NKAIN2: variants seen among roughly 807,000 people sequenced by gnomAD.
The protein encoded by NKAIN2 is sodium/potassium-transporting ATPase subunit beta-1-interacting protein 2.
A neutral mutation model predicts 32.6 loss-of-function variants in NKAIN2; 14 were observed. The observed-to-expected ratio is 0.43, with a 90% CI of 0.28 to 0.67. The LOEUF is 0.67. NKAIN2 is among the 30% of genes least tolerant of loss of function. The pLI, the probability that NKAIN2 is intolerant of heterozygous loss-of-function variation, is 0.17. For missense variants in NKAIN2, 198 were observed against 258.3 expected, an observed-to-expected ratio of 0.77 and a Z score of 1.60; for synonymous variants, 80 against 87.2, an observed-to-expected ratio of 0.92 and a Z score of 0.46.
At chr6:123,901,296 T>G (rs2114416087) in intron 1 of NKAIN2, among the ~76,000 whole-genome samples, 1 of 152,282 alleles carries the variant, frequency 6.6e-6, no homozygotes, top group African/African-American at 2.4e-5. Context: ...GTTATTCTTG[T>G]TTTAGTGATA....
At chr6:123,822,817 A>T (rs1773980403) in intron 1 of NKAIN2, among the ~76,000 whole-genome samples, 1 of 152,180 alleles carries the variant, frequency 6.6e-6, no homozygotes, top group African/African-American at 2.4e-5. Context: ...TTAATCTGTA[A>T]TGTATTTACT....
At chr6:124,538,537 C>T (rs1779798596) in intron 3 of NKAIN2, among the ~76,000 whole-genome samples, 1 of 152,026 alleles carries the variant, frequency 6.6e-6, no homozygotes, top group Non-Finnish European at 1.5e-5. Context: ...TGTTTACATG[C>T]AGCATTCACC....
At chr6:124,169,872 C>G (rs1321062453) in intron 1 of NKAIN2, among the ~76,000 whole-genome samples, 5 of 152,130 alleles carry the variant, frequency 3.3e-5, no homozygotes, top group Non-Finnish European at 2.9e-5. Flanking sequence ...GAAAGAGCCT[C>G]TTTGGTCCAT....
intron 3 of NKAIN2, among the ~76,000 whole-genome samples, chr6:124,584,181 G>T (rs1381708921): frequency 6.6e-6 from 1 of 152,048 alleles, no homozygotes; most frequent in Non-Finnish European, 1.5e-5. Flanking sequence ...CACTGCAAAG[G>T]AAACCATCAA....
chr6:124,192,329 T>A (rs1790060158), intron 1 of NKAIN2, among the ~76,000 whole-genome samples: 1 of 152,210 alleles, frequency 6.6e-6, no homozygotes, highest in Admixed American at 6.5e-5. Flanking sequence ...TTCTAATTTC[T>A]CATTGTGATT....
chr6:124,171,157 C>T (rs1356170504), intron 1 of NKAIN2, among the ~76,000 whole-genome samples: 1 of 152,184 alleles, frequency 6.6e-6, no homozygotes, highest in African/African-American at 2.4e-5. Flanking sequence ...TCTATACCCT[C>T]ATCCTTGTCA....
chr6:124,753,925 G>A (rs1055151760), intron 4 of NKAIN2, among the ~76,000 whole-genome samples: 11 of 152,052 alleles, frequency 7.2e-5, no homozygotes, highest in African/African-American at 1.9e-4. Context: ...CAAACTTTAC[G>A]TGGGGAAATA....
intron 1 of NKAIN2, among the ~76,000 whole-genome samples, chr6:124,119,542 G>A (rs1044956227): frequency 6.6e-6 from 1 of 152,174 alleles, no homozygotes; most frequent in Non-Finnish European, 1.5e-5. Context: ...TAAAGAACAT[G>A]CCAGAACTCC....
In NKAIN2 at chr6:124,754,122, A is replaced by T. The variant is rs568438664; in HGVS notation, c.475-37217A>T. Among the ~76,000 whole-genome samples the T allele has an allele frequency of 1.7e-3, 264 of 152,230 alleles. 3 individuals are homozygous for T. Among genetic ancestry groups the T allele is most frequent in the African/African-American group, 5.9e-3 (244 of 41,564 alleles). ...CACCTGCATTAGTAGCAGGTTCCAA[A>T]GAACTGAGTTTGCAATTGTGTACTA... On this transcript the variant is annotated intron_variant, in intron 4 of 6. Transcript: ENST00000368417.
chr6:124,113,494 G>A (rs1472261759), intron 1 of NKAIN2, among the ~76,000 whole-genome samples: 1 of 151,992 alleles, frequency 6.6e-6, no homozygotes, highest in Non-Finnish European at 1.5e-5. Context: ...TGAGCAGTGG[G>A]GAGTATCAAT....
At chr6:124,173,841 T>C (rs1280355164) in intron 1 of NKAIN2, among the ~76,000 whole-genome samples, 7 of 152,240 alleles carry the variant, frequency 4.6e-5, no homozygotes, top group South Asian at 2.1e-4. Flanking sequence ...ATGGTTCTTA[T>C]TCCTTATTTC....
intron 3 of NKAIN2, among the ~76,000 whole-genome samples, chr6:124,490,676 C>G (rs1777828573): frequency 6.6e-6 from 1 of 151,616 alleles, no homozygotes; most frequent in Non-Finnish European, 1.5e-5. Context: ...AGGCAGGAGT[C>G]TACTTAGTTT....
chr6:124,141,166 C>A (rs1050846492), intron 1 of NKAIN2, among the ~76,000 whole-genome samples: 2 of 151,980 alleles, frequency 1.3e-5, no homozygotes, highest in African/African-American at 2.4e-5. Context: ...AGCAATTGTG[C>A]GTATTGAGTC....
rs763508921 is a variant in NKAIN2 at position 123,804,267 on chromosome 6, TG to T, written c.54+16del. ...TGGCATGCAACTGGTAAGTGACACT[TG>T]GGTCCCCTTATTCTGTAATGTGTCT... On this transcript the variant is annotated intron_variant, in intron 1 of 6. Transcript: ENST00000368417. 1.2e-6 allele frequency: 2 copies of T among 1,609,140 alleles called. No individual in the cohort carries two copies. Among genetic ancestry groups the T allele is most frequent in the South Asian group, 2.2e-5 (2 of 91,006 alleles).
chr6:124,112,267 T>A (rs2114972316), intron 1 of NKAIN2, among the ~76,000 whole-genome samples: 1 of 152,272 alleles, frequency 6.6e-6, no homozygotes, highest in East Asian at 1.9e-4. Context: ...TCTCCCTCAA[T>A]TTATTTTGTT....
intron 3 of NKAIN2, among the ~76,000 whole-genome samples, chr6:124,618,320 A>C (rs1486480750): frequency 2.6e-5 from 4 of 152,062 alleles, no homozygotes; most frequent in African/African-American, 9.7e-5. Context: ...TCTACTAAAA[A>C]TACAGAAATT....
intron 3 of NKAIN2, among the ~76,000 whole-genome samples, chr6:124,654,779 A>C (rs1784480580): frequency 2.0e-5 from 3 of 152,126 alleles, no homozygotes; most frequent in Admixed American, 2.0e-4. Flanking sequence ...GATTAGGGTG[A>C]TGGTTCTACA....
In NKAIN2 at chr6:124,696,081, C is replaced by G. The variant is rs149924170; in HGVS notation, c.474+37695C>G. Among the ~76,000 whole-genome samples, 14 of 152,208 alleles carry G rather than the reference C, an allele frequency of 9.2e-5. No homozygotes were observed. The East Asian group carries it at 2.5e-3, about 27-fold the overall frequency. The stretch of plus-strand genomic sequence containing the variant: ...TGTCTGTTCAGATTCTTCTTGGTCT[C>G]TCTGTGTAGCATTTCATCCTCTCAG... On this transcript the variant is annotated intron_variant, in intron 4 of 6. Transcript: ENST00000368417.
intron 4 of NKAIN2, among the ~76,000 whole-genome samples, chr6:124,785,302 G>A (rs1446215477): frequency 1.3e-5 from 2 of 151,926 alleles, no homozygotes; most frequent in Non-Finnish European, 2.9e-5. Context: ...ATTTATTTCA[G>A]GCATGTTTGT....
Sources: allele counts gnomAD v4.1 joint callset (sites outside exome capture counted in the v4.1 genomes callset), GRCh38; gene constraint gnomAD v4.1.1; transcripts MANE v1.5; gene names NCBI Gene and HGNC (gene_info 2026-07-23, HGNC 2026-07-21).